The following RPS6KA6 variants were observed in gnomAD, a reference collection of about 807,000 sequenced individuals.
The protein encoded by RPS6KA6 is ribosomal protein S6 kinase A6, also known as ribosomal protein S6 kinase alpha-6.
Under a neutral mutation model 65.4 loss-of-function variants are expected in RPS6KA6, and 27 were observed. That is an observed-to-expected ratio of 0.41 (90% CI 0.30 to 0.57). The LOEUF (loss-of-function observed/expected upper bound fraction) is 0.57, where lower values mean the gene tolerates loss of function less well. Among genes scored for constraint, RPS6KA6 ranks in the 20% least tolerant of loss-of-function variants. RPS6KA6 has a pLI of 0.24. For synonymous variants in RPS6KA6, 190 were observed against 184.2 expected, an observed-to-expected ratio of 1.03 and a Z score of -0.26; for missense variants, 486 against 555.6, an observed-to-expected ratio of 0.87 and a Z score of 1.26.
At chrX:84,112,723 T>C (rs1026121502) in intron 12 of RPS6KA6, among the ~76,000 whole-genome samples, 1 of 111,511 alleles carries the variant, frequency 9.0e-6, no homozygotes, top group African/African-American at 3.3e-5. Context: ...CACAGAAAGA[T>C]CTCAAATCAA....
At chrX:84,103,192 A>G (rs1167174504) in intron 17 of RPS6KA6, among the ~76,000 whole-genome samples, 1 of 111,475 alleles carries the variant, frequency 9.0e-6, no homozygotes, top group Non-Finnish European at 1.9e-5. Flanking sequence ...CACAGTCTTA[A>G]GAAAATCAAT....
chrX:84,130,715 T>G (rs772072293), intron 8 of RPS6KA6, among the ~76,000 whole-genome samples: 4 of 111,452 alleles, frequency 3.6e-5, no homozygotes, highest in African/African-American at 9.8e-5. Flanking sequence ...TGGATGAATC[T>G]CAAATGCCCT....
chrX:84,159,055 C>G (rs1295980370), intron 2 of RPS6KA6, among the ~76,000 whole-genome samples: 1 of 110,742 alleles, frequency 9.0e-6, no homozygotes, highest in Non-Finnish European at 1.9e-5. Flanking sequence ...TGCATACATG[C>G]GTGCACACAC....
chrX:84,101,704 G>A lies in RPS6KA6; in HGVS notation c.1776+333C>T, dbSNP rs749948960. 1.6e-4 allele frequency among the ~76,000 whole-genome samples: 18 copies of A among 110,447 alleles called. 1 individual carries two copies. In the South Asian group the frequency reaches 6.0e-3, roughly 37 times the overall value. On this transcript the variant is annotated intron_variant, in intron 18 of 21. Coordinates refer to ENST00000262752, the MANE Select transcript of RPS6KA6 (RefSeq NM_014496.5). ...CTTGAATAAGTCATTGAAGTACCTC[G>A]AGCCAGTTTCATCATTTAGAATACA...
intron 8 of RPS6KA6, among the ~76,000 whole-genome samples, chrX:84,133,298 T>G (rs2034935677): frequency 8.9e-6 from 1 of 112,162 alleles, no homozygotes; most frequent in Non-Finnish European, 1.9e-5. Flanking sequence ...AAACCTTGAA[T>G]TAAGGTTATA....
intron 20 of RPS6KA6, among the ~76,000 whole-genome samples, chrX:84,090,894 C>A (rs1407771619): frequency 1.8e-5 from 2 of 111,801 alleles, no homozygotes; most frequent in African/African-American, 6.5e-5. Context: ...TTCCTTCGAG[C>A]CTTCAATTGT....
At chrX:84,116,418 C>A in intron 11 of RPS6KA6, 131 bp from the exon 12 acceptor site, 2 of 345,743 alleles carry the variant, frequency 5.8e-6, no homozygotes, top group Non-Finnish European at 1.0e-5. Flanking sequence ...TACATGATTT[C>A]TTATCTGGCA....
rs1460656368 is a variant in RPS6KA6 at position 84,106,243 on chromosome X, GTTCT to G, written c.1365+118_1365+121del. The G allele has an allele frequency of 8.1e-6, 5 of 615,511 alleles. No individual in the cohort carries two copies. In the South Asian group the frequency reaches 8.8e-5, roughly 11 times the overall value. 50.7% of individuals were successfully genotyped at this position (615,511 alleles called of 1,213,427 possible). ...AAAAATGAAAATATTAAGTCTCAGA[GTTCT>G]TTCTCATCATCTTATCTTTCCTATC... On this transcript the variant is annotated intron_variant, in intron 15 of 21. Transcript: ENST00000262752.
At chrX:84,137,723 G>C (rs1405398398) in intron 6 of RPS6KA6, among the ~76,000 whole-genome samples, 1 of 111,823 alleles carries the variant, frequency 8.9e-6, no homozygotes, top group Admixed American at 9.5e-5. Context: ...TGTTATTCAT[G>C]TTTAGTAGTC....
chrX:84,179,807 A>G (rs1380418766), intron 1 of RPS6KA6, among the ~76,000 whole-genome samples: 1 of 112,018 alleles, frequency 8.9e-6, no homozygotes. Flanking sequence ...ATTCTTGTAT[A>G]TGTCTCTATA....
intron 9 of RPS6KA6, among the ~76,000 whole-genome samples, chrX:84,117,982 A>C (rs755110058): frequency 1.8e-5 from 2 of 111,210 alleles, no homozygotes; most frequent in African/African-American, 6.5e-5. Flanking sequence ...AATAGCTTTA[A>C]AAAAGAAACA....
chrX:84,092,050 G>A (rs375914824), intron 20 of RPS6KA6, among the ~76,000 whole-genome samples: 4 of 110,982 alleles, frequency 3.6e-5, no homozygotes, highest in Admixed American at 9.6e-5. Flanking sequence ...GGAGGGGCAG[G>A]AGGAGAGTGA....
chrX:84,106,231 T>A, intron 15 of RPS6KA6, 134 bp downstream of exon 15: 2 of 559,790 alleles, frequency 3.6e-6, no homozygotes, highest in Non-Finnish European at 5.6e-6. Context: ...AATGAAAATA[T>A]TAAGTCTCAG....
chrX:84,156,253 T>TAA, intron 2 of RPS6KA6, 62 bp from the exon 3 acceptor site: 1 of 622,032 alleles, frequency 1.6e-6, no homozygotes, highest in South Asian at 2.6e-5. Context: ...TTAGTTCCAT[T>TAA]TAAAATCAGA....
chrX:84,114,951 A>G, intron 12 of RPS6KA6, among the ~76,000 whole-genome samples: 1 of 112,112 alleles, frequency 8.9e-6, no homozygotes. Context: ...TGTTTACAAT[A>G]ATTAACACAA....
chrX:84,100,566 A>G (rs1221896578), intron 18 of RPS6KA6, among the ~76,000 whole-genome samples: 1 of 110,773 alleles, frequency 9.0e-6, no homozygotes, highest in African/African-American at 3.3e-5. Flanking sequence ...CTCTGCTCTT[A>G]TGTCTACTGT....
intron 1 of RPS6KA6, among the ~76,000 whole-genome samples, chrX:84,177,746 T>G (rs1284600502): frequency 1.8e-5 from 2 of 112,472 alleles, no homozygotes; most frequent in African/African-American, 6.5e-5. Context: ...TATCATTCTC[T>G]TCTTAAAACC....
At chrX:84,152,780 C>T (rs1334125609) in intron 3 of RPS6KA6, among the ~76,000 whole-genome samples, 1 of 111,107 alleles carries the variant, frequency 9.0e-6, no homozygotes, top group Non-Finnish European at 1.9e-5. Flanking sequence ...AATTATGTCC[C>T]CTCAAAGTTA....
At chrX:84,109,584 G>A (rs999229101) in intron 12 of RPS6KA6, among the ~76,000 whole-genome samples, 1 of 110,923 alleles carries the variant, frequency 9.0e-6, no homozygotes, top group Non-Finnish European at 1.9e-5. Flanking sequence ...ATGCATTGAT[G>A]CACCAACTGC....
Sources: allele counts gnomAD v4.1 joint callset (sites outside exome capture counted in the v4.1 genomes callset), GRCh38; gene constraint gnomAD v4.1.1; transcripts MANE v1.5; gene names NCBI Gene and HGNC (gene_info 2026-07-23, HGNC 2026-07-21).